The following MTCL2 variants were observed in gnomAD, a reference collection of about 807,000 sequenced individuals.
MTCL2 encodes the protein microtubule cross-linking factor 2.
the MTCL2 span, among the ~76,000 whole-genome samples, chr20:36,807,561 C>T: frequency 2.6e-5 from 4 of 152,170 alleles, no homozygotes; most frequent in Non-Finnish European, 5.9e-5. Context: ...GATGACAGGA[C>T]GCAAGGGCTT....
the MTCL2 span, chr20:36,863,176 C>T: frequency 7.6e-7 from 1 of 1,312,156 alleles, no homozygotes; most frequent in East Asian, 3.3e-5. The surrounding 1 kb of genome is among the most constrained non-coding windows in gnomAD (Gnocchi z 6.2). Flanking sequence ...ACTGCTGAGC[C>T]CGGGCCTGGG....
chr20:36,813,286 G>A, the MTCL2 span, among the ~76,000 whole-genome samples: 52 of 112,364 alleles, frequency 4.6e-4, no homozygotes, highest in African/African-American at 1.5e-3. Context: ...GCCCTCCAGC[G>A]TGGGCAACAG....
the MTCL2 span, chr20:36,804,657 G>A: frequency 1.3e-6 from 2 of 1,555,978 alleles, no homozygotes. Context: ...CATGGCCTTG[G>A]TATTCTACTC....
chr20:36,845,613 G>A, the MTCL2 span, among the ~76,000 whole-genome samples: 2 of 152,230 alleles, frequency 1.3e-5, no homozygotes, highest in East Asian at 1.9e-4. Flanking sequence ...AGAGGCTGGC[G>A]AATGCAGGAC....
the MTCL2 span, among the ~76,000 whole-genome samples, chr20:36,852,965 G>C: frequency 6.6e-6 from 1 of 151,830 alleles, no homozygotes; most frequent in South Asian, 2.1e-4. Context: ...GCTGAGGCAG[G>C]AGAATCACTT....
At chr20:36,807,163 G>T in the MTCL2 span, among the ~76,000 whole-genome samples, 1 of 152,194 alleles carries the variant, frequency 6.6e-6, no homozygotes, top group Non-Finnish European at 1.5e-5. Flanking sequence ...TGGAATGGCG[G>T]TAGTGACTCT....
At chr20:36,862,889 CG>C in the MTCL2 span, 1 of 1,245,506 alleles carries the variant, frequency 8.0e-7, no homozygotes, top group South Asian at 2.5e-5. Context: ...TACGGACCCC[CG>C]CCGGGCCCCC....
At chr20:36,780,898 T>C in the MTCL2 span, 121 of 152,300 alleles carry the variant, frequency 7.9e-4, no homozygotes, top group East Asian at 0.022. Context: ...TATAAATTAG[T>C]AGAAGAGTTC....
At chr20:36,838,115 A>G in the MTCL2 span, among the ~76,000 whole-genome samples, 1 of 150,878 alleles carries the variant, frequency 6.6e-6, no homozygotes, top group Non-Finnish European at 1.5e-5. Flanking sequence ...TGGTGACACG[A>G]TCTTGGCTCA....
At chr20:36,834,780 T>C in the MTCL2 span, among the ~76,000 whole-genome samples, 1 of 152,070 alleles carries the variant, frequency 6.6e-6, no homozygotes, top group Non-Finnish European at 1.5e-5. Context: ...CGTGGGTAGA[T>C]CACCTGAGGT....
At chr20:36,846,380 G>T in the MTCL2 span, among the ~76,000 whole-genome samples, 277 of 152,298 alleles carry the variant, frequency 1.8e-3, 1 homozygote, top group African/African-American at 6.4e-3. Flanking sequence ...TCACCTTAAA[G>T]GCTACTCTTG....
the MTCL2 span, chr20:36,815,456 C>A: frequency 1.2e-6 from 2 of 1,607,322 alleles, no homozygotes; most frequent in Non-Finnish European, 1.7e-6. This position sits in a 1 kb window ranked among gnomAD's most constrained non-coding sequence, Gnocchi z 5.3. Context: ...CCTTACTGAC[C>A]AGGGCGGCCT....
At chr20:36,800,191 C>T in the MTCL2 span, among the ~76,000 whole-genome samples, 3 of 152,208 alleles carry the variant, frequency 2.0e-5, no homozygotes, top group African/African-American at 4.8e-5. Flanking sequence ...ACATGGAACC[C>T]GTGCCCTGAT....
At chr20:36,785,370 A>G in the MTCL2 span, 1 of 984,008 alleles carries the variant, frequency 1.0e-6, no homozygotes, top group Non-Finnish European at 1.2e-6. Context: ...GGTAAATTAA[A>G]TTATTAAAAT....
At chr20:36,858,465 C>A in the MTCL2 span, among the ~76,000 whole-genome samples, 1 of 13,044 alleles carries the variant, frequency 7.7e-5, no homozygotes, top group Non-Finnish European at 1.5e-4. Flanking sequence ...GGAGGGAAAA[C>A]ACACACACAC....
chr20:36,809,578 CTT>C, the MTCL2 span, among the ~76,000 whole-genome samples: 17 of 124,128 alleles, frequency 1.4e-4, no homozygotes, highest in East Asian at 2.4e-4. Flanking sequence ...TTCTTTCATT[CTT>C]TTTTTTTTTT....
the MTCL2 span, chr20:36,786,289 A>C: frequency 7.9e-7 from 1 of 1,270,390 alleles, no homozygotes; most frequent in Non-Finnish European, 1.0e-6. Flanking sequence ...GTCGAAGCTC[A>C]CCACCCAGGG....
At chr20:36,815,305 T>C in the MTCL2 span, 33 of 1,613,792 alleles carry the variant, frequency 2.0e-5, no homozygotes, top group Non-Finnish European at 2.8e-5. This position sits in a 1 kb window ranked among gnomAD's most constrained non-coding sequence, Gnocchi z 5.3. Flanking sequence ...CGCACCAGGA[T>C]GGCATGGATG....
At chr20:36,815,141 A>G in the MTCL2 span, 94 of 1,594,738 alleles carry the variant, frequency 5.9e-5, 1 homozygote, top group Middle Eastern at 1.7e-4. The surrounding 1 kb of genome is among the most constrained non-coding windows in gnomAD (Gnocchi z 5.3). Flanking sequence ...AGTCTGAGCC[A>G]AGGTCTTTTG....
Sources: gnomAD v4.1 joint callset for allele counts (sites outside exome capture counted in the v4.1 genomes callset) on GRCh38, gnomAD v4.1.1 for gene constraint, Gnocchi (gnomAD v3.1) non-coding constraint, MANE v1.5 for transcripts, NCBI Gene and HGNC (gene_info 2026-07-23, HGNC 2026-07-21) for gene names.